The following CGAS variants were observed in gnomAD, a reference collection of about 807,000 sequenced individuals.
The protein encoded by CGAS is cyclic GMP-AMP synthase, also known as 2'3'-cGAMP synthase.
CGAS carries 31 observed loss-of-function variants against 34.0 expected under a neutral mutation model. The observed-to-expected ratio is 0.91, with a 90% CI of 0.69 to 1.23. The LOEUF is 1.23. CGAS is among the 50% of genes most tolerant of loss of function. CGAS has a pLI of 0.00. For missense variants in CGAS, 597 were observed against 657.6 expected (o/e 0.91, Z 1.01); for synonymous variants, 266 against 260.0 (o/e 1.02, Z -0.22).
At chr6:73,444,779 C>T (rs1313504135) in intron 2 of CGAS, among the ~76,000 whole-genome samples, 1 of 152,152 alleles carries the variant, frequency 6.6e-6, no homozygotes, top group Non-Finnish European at 1.5e-5. Context: ...ATGGTGGCAG[C>T]TTAGGTGGGG....
intron 3 of CGAS, among the ~76,000 whole-genome samples, chr6:73,438,289 T>C (rs868614031): frequency 2.0e-5 from 3 of 152,084 alleles, no homozygotes; most frequent in Admixed American, 1.3e-4. Flanking sequence ...TAATTATACA[T>C]AATCTGGAAT....
chr6:73,436,001 T>C (rs186608838), intron 3 of CGAS, among the ~76,000 whole-genome samples: 7 of 152,132 alleles, frequency 4.6e-5, no homozygotes, highest in African/African-American at 1.7e-4. Flanking sequence ...AATACCAAGT[T>C]TTAAACCCAC....
At chr6:73,439,997 G>T (rs779096964) in intron 3 of CGAS, 69 of 499,232 alleles carry the variant, frequency 1.4e-4, no homozygotes, top group Non-Finnish European at 2.0e-4. Flanking sequence ...AATATGGATT[G>T]CTAGACATTT....
chr6:73,447,816 G>A (rs965351146), intron 1 of CGAS, among the ~76,000 whole-genome samples: 3 of 152,006 alleles, frequency 2.0e-5, no homozygotes, highest in African/African-American at 7.3e-5. Context: ...TTAGTATATT[G>A]AAATATTTTT....
intron 2 of CGAS, among the ~76,000 whole-genome samples, chr6:73,443,517 C>T (rs967857355): frequency 6.6e-6 from 1 of 152,072 alleles, no homozygotes; most frequent in Non-Finnish European, 1.5e-5. Flanking sequence ...GGATTACAGG[C>T]GTGAGCCACG....
intron 1 of CGAS, 110 bp downstream of exon 1, chr6:73,451,415 T>C: frequency 3.2e-6 from 4 of 1,233,728 alleles, no homozygotes; most frequent in Non-Finnish European, 4.4e-6. Context: ...CATGCAAAAG[T>C]CTAAGTTACT....
Position 73,425,090 on chromosome 6 carries a change from G to A in CGAS, c.*137C>T, listed in dbSNP as rs1770061775. 1.7e-6 allele frequency: 1 copy of A among 585,150 alleles called. No individual in the cohort carries two copies. Among genetic ancestry groups the A allele is most frequent in the Admixed American group, 3.5e-5 (1 of 28,752 alleles). 36.2% of individuals were successfully genotyped at this position (585,150 alleles called of 1,614,324 possible). On this transcript the variant is annotated 3_prime_UTR_variant, in exon 5 of 5. Transcript: ENST00000370315. ...GCTGGTCTCAAACTCCTGACCTCAA[G>A]TGATCCGCCTGCCTCGGCCTCCAAA...
chr6:73,425,647 A>C, intron 4 of CGAS, 69 bp from the exon 5 acceptor site: 42 of 981,778 alleles, frequency 4.3e-5, no homozygotes, highest in Non-Finnish European at 5.7e-5. Flanking sequence ...TAGGCATCTC[A>C]TAGCAAAAAT....
At chr6:73,430,147 G>A (rs1447680637) in intron 3 of CGAS, among the ~76,000 whole-genome samples, 1 of 151,962 alleles carries the variant, frequency 6.6e-6, no homozygotes, top group African/African-American at 2.4e-5. Context: ...CAATCATTAT[G>A]TGAGGTAAAA....
chr6:73,451,800 A>C lies in CGAS; in HGVS notation c.382T>G (p.Cys128Gly). The change falls in exon 1 of 5, where the codon TGC becomes GGC. Residue 128 changes from cysteine to glycine, a missense_variant. By Grantham distance (159) the Cys-to-Gly change is radical. Transcript: ENST00000370315. ...GGCGGAGGTCTTGGCTTCGTGGAGCAGCGCGCGCCCCTCTGGCGGCAAGAA... is the reference window on the plus strand; with the variant it reads ...GGCGGAGGTCTTGGCTTCGTGGAGCCGCGCGCGCCCCTCTGGCGGCAAGAA... ...AGSCRQRGARCSTKPRPPPGP... is the reference protein window; with the variant it reads ...AGSCRQRGARGSTKPRPPPGP... 2.5e-6 allele frequency: 4 copies of C among 1,570,344 alleles called. No individual in the cohort carries two copies. The East Asian group carries it at 9.6e-5, about 38-fold the overall frequency.
At position 73,423,822 on chromosome 6, in the gene CGAS, G is replaced by T. The variant is rs1042219433; in HGVS notation, c.*1405C>A. 1 of 151,956 alleles carries T rather than the reference G, an allele frequency of 6.6e-6. No individual in the cohort carries two copies. Among genetic ancestry groups the T allele is most frequent in the Non-Finnish European group, 1.5e-5 (1 of 67,992 alleles). 9.4% of individuals were successfully genotyped at this position (151,956 alleles called of 1,614,324 possible). On this transcript the variant is annotated 3_prime_UTR_variant, in exon 5 of 5. Coordinates refer to ENST00000370315, the MANE Select transcript of CGAS (RefSeq NM_138441.3). ...AAACAATACAAAACAAAAAAACCTT[G>T]TTTACTAAAAGACACCAAAAAATGT... is the stretch of plus-strand genomic sequence containing the variant.
chr6:73,439,887 C>T (rs975293407), intron 3 of CGAS: 3 of 268,176 alleles, frequency 1.1e-5, no homozygotes, highest in African/African-American at 6.8e-5. Context: ...AGCTCGAATT[C>T]ACACAACTAG....
chr6:73,436,725 G>A (rs1301653726), intron 3 of CGAS, among the ~76,000 whole-genome samples: 3 of 149,066 alleles, frequency 2.0e-5, no homozygotes, highest in African/African-American at 7.4e-5. Context: ...CTTTCACCAT[G>A]TTGCCCACGC....
At chr6:73,447,746 C>T (rs1277359344) in intron 1 of CGAS, among the ~76,000 whole-genome samples, 2 of 152,090 alleles carry the variant, frequency 1.3e-5, no homozygotes, top group African/African-American at 4.8e-5. Flanking sequence ...CACCAATGGA[C>T]CTAGGTTTGA....
chr6:73,435,030 A>G (rs1770258898), intron 3 of CGAS, among the ~76,000 whole-genome samples: 1 of 152,130 alleles, frequency 6.6e-6, no homozygotes, highest in South Asian at 2.1e-4. Context: ...GATATTAATA[A>G]TAGGAAAATG....
chr6:73,451,589 T>C lies in CGAS; in HGVS notation c.593A>G (p.Lys198Arg), dbSNP rs372917212. The change falls in exon 1 of 5, where the codon AAG becomes AGG. Residue 198 changes from lysine (K) to arginine (R), a missense_variant. Lys to Arg is a conservative substitution (Grantham distance 26). Around this residue, in one of 3 missense-constraint regions of CGAS, gnomAD observed 321 missense variants for 314.3 expected, o/e 1.02. Coordinates refer to ENST00000370315, the MANE Select transcript of CGAS (RefSeq NM_138441.3). ...GACGCCTCTGAACGCGGAGTCGCAC[T>C]TCAGTCTGAGCAGCAGGTGGTCCAC... is the stretch of plus-strand genomic sequence containing the variant. ...GVVDHLLLRL[K>R]CDSAFRGVGL... 1 of 1,613,616 alleles carries C rather than the reference T, an allele frequency of 6.2e-7. No individual in the cohort carries two copies. The highest frequency in any genetic ancestry group is 8.5e-7 in the Non-Finnish European group (1 of 1,179,804).
intron 3 of CGAS, among the ~76,000 whole-genome samples, chr6:73,436,834 G>A (rs1289518163): frequency 6.6e-6 from 1 of 152,126 alleles, no homozygotes; most frequent in Admixed American, 6.6e-5. Context: ...GAGAGAGAGA[G>A]AGAATATATT....
rs754251787 is a variant in CGAS at position 73,451,718 on chromosome 6, C to T, written c.464G>A (p.Arg155Gln). The part of the protein sequence containing the change: ...GLPVSAPILV[R>Q]RDAAPGASKL... ...CGAGGCCCCAGGCGCCGCATCCCTC[C>T]GTACGAGAATGGGGGCCGAGACCGG... Residue 155 changes from arginine (R) to glutamine (Q), a missense_variant, in exon 1 of 5, where the codon CGG (arginine) becomes CAG (glutamine). This residue lies in a region of CGAS where 321 missense variants were observed against 314.3 expected (regional missense o/e 1.02). Transcript: ENST00000370315. The T allele has an allele frequency of 1.2e-6, 2 of 1,613,502 alleles. No individual in the cohort carries two copies. Among genetic ancestry groups the T allele is most frequent in the Non-Finnish European group, 1.7e-6 (2 of 1,179,922 alleles).
At position 73,452,168 on chromosome 6, in the gene CGAS, T is replaced by C. The variant is rs1770587513; in HGVS notation, c.14A>G (p.His5Arg). 6.2e-7 allele frequency: 1 copy of C among 1,604,876 alleles called. No individual in the cohort carries two copies. The highest frequency in any genetic ancestry group is 1.3e-5 in the African/African-American group (1 of 74,168). MQPW[H>R]GKAMQRASEA... is the part of the protein sequence containing the mutation. ...GGAAGCTCTCTGCATGGCCTTTCCG[T>C]GCCAAGGCTGCATGGCTGGCGCTTT... is the stretch of plus-strand genomic sequence containing the variant. The change falls in exon 1 of 5, where the codon CAC becomes CGC. Residue 5 changes from histidine to arginine, a missense_variant. Physicochemically the swap from His to Arg is conservative, Grantham distance 29. Around this residue, in one of 3 missense-constraint regions of CGAS, gnomAD observed 321 missense variants for 314.3 expected, o/e 1.02. Coordinates refer to ENST00000370315, the MANE Select transcript of CGAS (RefSeq NM_138441.3).
Sources: allele counts gnomAD v4.1 joint callset (sites outside exome capture counted in the v4.1 genomes callset), GRCh38; gene constraint gnomAD v4.1.1; regional missense constraint gnomAD v4.1.1; transcripts MANE v1.5; gene names NCBI Gene and HGNC (gene_info 2026-07-23, HGNC 2026-07-21).